Variants in DNAAF1 observed in about 807,000 individuals in gnomAD.
DNAAF1 encodes dynein axonemal assembly factor 1.
Under a neutral mutation model 71.1 loss-of-function variants are expected in DNAAF1, and 65 were observed. The observed-to-expected ratio is 0.91, with a 90% CI of 0.75 to 1.12. The LOEUF is 1.12. Ranked by LOEUF, DNAAF1 falls within the 50% of genes most tolerant of loss-of-function variation. DNAAF1 has a pLI of 0.00. For synonymous variants in DNAAF1, 414 were observed against 354.6 expected (o/e 1.17, Z -1.88); for missense variants, 1,178 against 899.8 (o/e 1.31, Z -3.96).
In DNAAF1 at chr16:84,152,657, A is replaced by C. The variant is rs1449035137; in HGVS notation, c.353-1920A>C. 2.7e-5 allele frequency among the ~76,000 whole-genome samples: 4 copies of C among 150,186 alleles called. No individual in the cohort carries two copies. The East Asian group carries it at 5.9e-4, about 22-fold the overall frequency. ...AGCAAGATTCTGTCTCAAAAAAAAA[A>C]AAAAAAAAAAAGTTGGCTGGGCGCG... On this transcript the variant is annotated intron_variant, in intron 3 of 11. Transcript: ENST00000378553.
chr16:84,156,731 C>T lies in DNAAF1; in HGVS notation c.741+982C>T, dbSNP rs182639767. Among the ~76,000 whole-genome samples the T allele has an allele frequency of 2.6e-4, 40 of 152,314 alleles. 1 individual carries two copies. The highest frequency in any genetic ancestry group is 8.4e-4 in the African/African-American group (35 of 41,572). ...CTTCTACACTTCTACAAAGAGCTTT[C>T]ATTCGCCAACTAGTGGTTCATGCAG... On this transcript the variant is annotated intron_variant, in intron 5 of 11. Transcript: ENST00000378553.
chr16:84,176,434 G>T (rs2088664714), intron 11 of DNAAF1, 135 bp downstream of exon 11: 1 of 1,344,320 alleles, frequency 7.4e-7, no homozygotes, highest in Non-Finnish European at 1.0e-6. Context: ...AGACCACACA[G>T]ATCCTCTGAA....
chr16:84,151,505 G>A (rs1035792355), intron 3 of DNAAF1, among the ~76,000 whole-genome samples: 2 of 152,174 alleles, frequency 1.3e-5, no homozygotes, highest in Non-Finnish European at 2.9e-5. Flanking sequence ...ATACTTAAGA[G>A]GTGGGAAGAA....
In DNAAF1 at chr16:84,156,835, TTTTC is replaced by T. The variant is rs1420191796; in HGVS notation, c.741+1102_741+1105del. Among the ~76,000 whole-genome samples, 815 of 147,462 alleles carry T rather than the reference TTTTC, an allele frequency of 5.5e-3. 14 individuals are homozygous for T. Among genetic ancestry groups the T allele is most frequent in the African/African-American group, 0.018 (719 of 38,928 alleles). ...TTTTCTTTTCTTTTCTTTCCTTTCCTTTTCTTTCTTTCTTTCTTTTTTTTTTTTT... is the reference window on the plus strand; with the variant it reads ...TTTTCTTTTCTTTTCTTTCCTTTCCTTTTCTTTCTTTCTTTTTTTTTTTTT... On this transcript the variant is annotated intron_variant, in intron 5 of 11. Coordinates refer to ENST00000378553, the MANE Select transcript of DNAAF1 (RefSeq NM_178452.6).
intron 5 of DNAAF1, among the ~76,000 whole-genome samples, chr16:84,157,790 A>T (rs181330088): frequency 6.6e-5 from 10 of 152,334 alleles, no homozygotes; most frequent in African/African-American, 2.4e-4. Flanking sequence ...CTATCAAAAG[A>T]CTAGTTTAGA....
At chr16:84,163,631 G>T (rs879520571) in intron 6 of DNAAF1, among the ~76,000 whole-genome samples, 3 of 151,766 alleles carry the variant, frequency 2.0e-5, no homozygotes, top group Non-Finnish European at 4.4e-5. Context: ...CACCCACCTC[G>T]GCCTCCCAAA....
intron 6 of DNAAF1, among the ~76,000 whole-genome samples, chr16:84,160,206 G>A (rs1297573979): frequency 6.6e-6 from 1 of 152,224 alleles, no homozygotes; most frequent in Non-Finnish European, 1.5e-5. Context: ...GTTGATGGGT[G>A]AAGATCGTAC....
chr16:84,145,645 C>T, intron 1 of DNAAF1, 81 bp downstream of exon 1: 3 of 1,473,844 alleles, frequency 2.0e-6, no homozygotes, highest in Non-Finnish European at 2.7e-6. Flanking sequence ...ACACCACATA[C>T]CCGATCTTCA....
Position 84,154,725 on chromosome 16 carries a change from G to C in DNAAF1, c.501G>C (p.Glu167Asp). The change falls in exon 4 of 12, where the codon GAG becomes GAC. Residue 167 changes from glutamate (E) to aspartate (D), a missense_variant. Transcript: ENST00000378553. The part of the protein sequence containing the change: ...FLQMNLLRKI[E>D]NLEPLQKLDA... ...AAATGAACTTGCTCCGTAAAATTGA[G>C]AACCTGGAACCTCTGCAGAAACTGG... 6.2e-7 allele frequency: 1 copy of C among 1,614,136 alleles called. No individual in the cohort carries two copies. Among genetic ancestry groups the C allele is most frequent in the Non-Finnish European group, 8.5e-7 (1 of 1,180,018 alleles).
intron 3 of DNAAF1, among the ~76,000 whole-genome samples, chr16:84,151,167 T>C (rs2087164265): frequency 6.6e-6 from 1 of 152,122 alleles, no homozygotes; most frequent in African/African-American, 2.4e-5. Context: ...ACCAGCTTGC[T>C]CATCAGTCCT....
chr16:84,159,345 A>T lies in DNAAF1; in HGVS notation c.742-330A>T, dbSNP rs549426927. The T allele has an allele frequency of 7.2e-6, 6 of 836,978 alleles. No individual in the cohort carries two copies. The South Asian group carries it at 1.3e-4, about 18-fold the overall frequency. 51.8% of individuals were successfully genotyped at this position (836,978 alleles called of 1,614,324 possible). ...AATTAGGCAGAGATTCATTTCAGTA[A>T]AAGAGGTTGGGTAGCAAAACTAATA... On this transcript the variant is annotated intron_variant, in intron 5 of 11. Transcript: ENST00000378553.
At chr16:84,165,657 T>C (rs1036053623) in intron 6 of DNAAF1, 126 bp from the exon 7 acceptor site, 12 of 945,348 alleles carry the variant, frequency 1.3e-5, no homozygotes, top group South Asian at 7.9e-5. Flanking sequence ...ATGTGGAACT[T>C]TTATCCTTGC....
chr16:84,164,323 G>A (rs2087861263), intron 6 of DNAAF1, among the ~76,000 whole-genome samples: 2 of 152,134 alleles, frequency 1.3e-5, no homozygotes, highest in African/African-American at 4.8e-5. Context: ...ACACTGTATG[G>A]GTTCGGACAA....
chr16:84,150,351 C>G lies in DNAAF1; in HGVS notation c.352+9C>G. On this transcript the variant is annotated intron_variant, in intron 3 of 11. Coordinates refer to ENST00000378553, the MANE Select transcript of DNAAF1 (RefSeq NM_178452.6). ...GTATTTACACTTTAAAGGTAAGGAC[C>G]TAAGAGAGGAAGTGCTTCACGTCAG... The G allele has an allele frequency of 6.3e-7, 1 of 1,594,012 alleles. No individual in the cohort carries two copies. Among genetic ancestry groups the G allele is most frequent in the Non-Finnish European group, 8.6e-7 (1 of 1,161,656 alleles).
chr16:84,169,893 GCC>G lies in DNAAF1; in HGVS notation c.1067_1068del (p.Pro356ArgfsTer24). 1 of 1,614,000 alleles carries G rather than the reference GCC, an allele frequency of 6.2e-7. No homozygotes were observed. The highest frequency in any genetic ancestry group is 8.5e-7 in the Non-Finnish European group (1 of 1,180,052). On this transcript the variant is annotated frameshift_variant, in exon 8 of 12. Transcript: ENST00000378553. LOFTEE classifies it high-confidence loss of function. Reference sequence around the variant, plus strand: ...CATCTTCAGATGATGGTGAGAATGTGCCCGCCAGTGCGGAAGGCAAGGAGGAG... The same window carrying G: ...CATCTTCAGATGATGGTGAGAATGTGCGCCAGTGCGGAAGGCAAGGAGGAG... Reference protein sequence around the residue: ...MTSSDDGENVPASAEGKEEPP... With the variant: ...MTSSDDGENVXASAEGKEEPP...
At chr16:84,177,642 T>G in intron 11 of DNAAF1, 87 bp from the exon 12 acceptor site, 4 of 1,145,494 alleles carry the variant, frequency 3.5e-6, no homozygotes, top group Non-Finnish European at 5.3e-6. Flanking sequence ...GACACTGAAT[T>G]TGGCCTGGAC....
At chr16:84,150,060 C>T (rs999174774) in intron 2 of DNAAF1, among the ~76,000 whole-genome samples, 191 bp from the exon 3 acceptor site, 2 of 150,090 alleles carry the variant, frequency 1.3e-5, no homozygotes, top group African/African-American at 2.5e-5. Flanking sequence ...TTCGATGAGG[C>T]CCTAAAATCT....
chr16:84,175,982 G>A lies in DNAAF1; in HGVS notation c.1748G>A (p.Ser583Asn), dbSNP rs1488717484. ...GTCATCTCGAGCTTGAGTGATGACA[G>A]TGACCCTGAACTGGACTACACGTCA... ...IEVISSLSDD[S>N]DPELDYTSLP... is the part of the protein sequence containing the mutation. The change falls in exon 11 of 12, where the codon AGT becomes AAT. Residue 583 changes from serine (S) to asparagine (N), a missense_variant. Transcript: ENST00000378553. The A allele has an allele frequency of 6.2e-7, 1 of 1,613,998 alleles. No homozygotes were observed. The highest frequency in any genetic ancestry group is 1.7e-5 in the Admixed American group (1 of 60,006).
rs756057821 is a variant in DNAAF1 at position 84,170,404 on chromosome 16, G to A, written c.1528+48G>A. ...CACAGACACACACACCTCTCAGGGA[G>A]CCCCAGCCTTCGACTCACGTCTCTG... is the stretch of plus-strand genomic sequence containing the variant. On this transcript the variant is annotated intron_variant, in intron 8 of 11. Transcript: ENST00000378553. 1.4e-5 allele frequency: 22 copies of A among 1,611,988 alleles called. No homozygotes were observed. The African/African-American group carries it at 2.5e-4, about 19-fold the overall frequency.
Sources: gnomAD v4.1 joint callset for allele counts (sites outside exome capture counted in the v4.1 genomes callset) on GRCh38, gnomAD v4.1.1 for gene constraint, MANE v1.5 for transcripts, NCBI Gene and HGNC (gene_info 2026-07-23, HGNC 2026-07-21) for gene names.